CTNNA3: variants seen among roughly 807,000 people sequenced by gnomAD.
CTNNA3 encodes the protein catenin alpha 3.
In CTNNA3, 76 loss-of-function variants were observed where a neutral mutation model predicts 95.7. The ratio of observed to expected loss-of-function variants is 0.79; its 90% CI spans 0.66 to 0.96. The LOEUF is 0.96. Among genes scored for constraint, CTNNA3 ranks in the 40% least tolerant of loss-of-function variants. The pLI is 0.00. For missense variants in CTNNA3, 1,191 were observed against 1,089.8 expected, an observed-to-expected ratio of 1.09 and a Z score of -1.31; for synonymous variants, 431 against 374.4, an observed-to-expected ratio of 1.15 and a Z score of -1.74.
intron 7 of CTNNA3, among the ~76,000 whole-genome samples, chr10:66,970,964 G>T (rs1298387881): frequency 6.6e-6 from 1 of 152,056 alleles, no homozygotes; most frequent in Non-Finnish European, 1.5e-5. Flanking sequence ...ATTGTGCCAG[G>T]ATTTCAGTTG....
intron 9 of CTNNA3, among the ~76,000 whole-genome samples, chr10:66,640,263 TG>T (rs1845471191): frequency 6.6e-6 from 1 of 152,132 alleles, no homozygotes; most frequent in African/African-American, 2.4e-5. Context: ...TGGGGATAAC[TG>T]CTATTGACCA....
chr10:67,520,684 G>T (rs1839957348), intron 5 of CTNNA3, among the ~76,000 whole-genome samples: 2 of 152,004 alleles, frequency 1.3e-5, no homozygotes, highest in Admixed American at 1.3e-4. Context: ...ATTTGCCCTG[G>T]AACATTCTAT....
chr10:67,074,034 CTT>C (rs35411851), intron 7 of CTNNA3, among the ~76,000 whole-genome samples: 4 of 109,436 alleles, frequency 3.7e-5, no homozygotes, highest in Non-Finnish European at 3.5e-5. Flanking sequence ...CATTTTAACT[CTT>C]TTTTTTTTTT....
intron 7 of CTNNA3, among the ~76,000 whole-genome samples, chr10:66,983,741 G>C (rs982571704): frequency 1.3e-5 from 2 of 152,080 alleles, no homozygotes; most frequent in African/African-American, 4.8e-5. Context: ...CCATGATACA[G>C]TTTTTAGGAA....
At chr10:66,493,902 C>CCAAA in intron 11 of CTNNA3, among the ~76,000 whole-genome samples, 1 of 117,978 alleles carries the variant, frequency 8.5e-6, no homozygotes, top group South Asian at 2.9e-4. Context: ...ACTGCGCCGG[C>CCAAA]CTTTTTTTTT....
chr10:66,525,686 A>G (rs1446210415), intron 10 of CTNNA3, among the ~76,000 whole-genome samples: 2 of 152,164 alleles, frequency 1.3e-5, no homozygotes, highest in East Asian at 3.9e-4. Flanking sequence ...AAATTCGCTA[A>G]GTTAACCATT....
intron 7 of CTNNA3, among the ~76,000 whole-genome samples, chr10:66,904,698 G>A (rs887875404): frequency 1.1e-4 from 16 of 152,252 alleles, no homozygotes; most frequent in African/African-American, 3.9e-4. Context: ...CCATCAAAAA[G>A]TGGGCAAAGG....
intron 15 of CTNNA3, among the ~76,000 whole-genome samples, chr10:66,046,158 C>G (rs2079823700): frequency 6.6e-6 from 1 of 152,074 alleles, no homozygotes; most frequent in African/African-American, 2.4e-5. Flanking sequence ...GGGAACAACA[C>G]AGAGCAAGGA....
At chr10:67,175,607 G>T (rs1862202813) in intron 7 of CTNNA3, among the ~76,000 whole-genome samples, 2 of 152,104 alleles carry the variant, frequency 1.3e-5, no homozygotes, top group South Asian at 2.1e-4. Context: ...ATGCAAATTA[G>T]TTCCTGCATG....
In CTNNA3 at chr10:67,635,604, C is replaced by T. The variant is rs544447343; in HGVS notation, c.99+11811G>A. Among the ~76,000 whole-genome samples, 16 of 152,108 alleles carry T rather than the reference C, an allele frequency of 1.1e-4. No individual in the cohort carries two copies. In the South Asian group the frequency reaches 3.3e-3, roughly 32 times the overall value. On this transcript the variant is annotated intron_variant, in intron 2 of 17. Transcript: ENST00000433211. Reference sequence around the variant, plus strand: ...TCTCAATAGACGTAGAAAAGGACATCAATAAAATTCAACATCCCTTCATGT... The same window carrying T: ...TCTCAATAGACGTAGAAAAGGACATTAATAAAATTCAACATCCCTTCATGT...
intron 7 of CTNNA3, among the ~76,000 whole-genome samples, chr10:66,902,198 A>C (rs1845780162): frequency 1.3e-5 from 2 of 152,234 alleles, no homozygotes; most frequent in Admixed American, 6.5e-5. Context: ...ACCACAGTGC[A>C]ATCAAATTAG....
At position 66,628,477 on chromosome 10, in the gene CTNNA3, T is replaced by TAAC. The variant is rs1845017581; in HGVS notation, c.1282-6694_1282-6693insGTT. On this transcript the variant is annotated intron_variant, in intron 9 of 17. Coordinates refer to ENST00000433211, the MANE Select transcript of CTNNA3 (RefSeq NM_013266.4). ...CCGAGTGGATTTCAGTCTGACTGTG[T>TAAC]ATATTCATTGGAAACATCAAGATTA... Among the ~76,000 whole-genome samples the TAAC allele has an allele frequency of 2.6e-5, 4 of 152,166 alleles. No homozygotes were observed. In the South Asian group the frequency reaches 8.3e-4, roughly 31 times the overall value.
intron 1 of CTNNA3, among the ~76,000 whole-genome samples, chr10:67,742,691 C>G (rs1284469654): frequency 6.6e-6 from 1 of 150,894 alleles, no homozygotes; most frequent in Non-Finnish European, 1.5e-5. Flanking sequence ...AAAAACCCTT[C>G]AAAAAATTAA....
chr10:67,435,117 C>T (rs910503260), intron 5 of CTNNA3, among the ~76,000 whole-genome samples: 3 of 151,874 alleles, frequency 2.0e-5, no homozygotes, highest in Non-Finnish European at 4.4e-5. Flanking sequence ...TCTCTCATTG[C>T]CTTTTATTTG....
At position 67,125,719 on chromosome 10, in the gene CTNNA3, A is replaced by C. The variant is rs79845543; in HGVS notation, c.1047+54598T>G. 4.0e-3 allele frequency among the ~76,000 whole-genome samples: 604 copies of C among 152,358 alleles called. 1 individual carries two copies. The highest frequency in any genetic ancestry group is 0.014 in the African/African-American group (563 of 41,586). ...TGAGAAGAAAGCAATAATGCCAAAGATTGGTCTGCCAATTTGTATGGCCTG... is the reference window on the plus strand; with the variant it reads ...TGAGAAGAAAGCAATAATGCCAAAGCTTGGTCTGCCAATTTGTATGGCCTG... On this transcript the variant is annotated intron_variant, in intron 7 of 17. Coordinates refer to ENST00000433211, the MANE Select transcript of CTNNA3 (RefSeq NM_013266.4).
At chr10:67,031,076 C>T (rs1413648440) in intron 7 of CTNNA3, among the ~76,000 whole-genome samples, 3 of 152,214 alleles carry the variant, frequency 2.0e-5, no homozygotes, top group Non-Finnish European at 4.4e-5. Flanking sequence ...TTTACCCCGT[C>T]ATACTTGACT....
intron 17 of CTNNA3, among the ~76,000 whole-genome samples, chr10:65,961,495 C>G (rs2077842019): frequency 6.6e-6 from 1 of 152,050 alleles, no homozygotes; most frequent in African/African-American, 2.4e-5. Context: ...TATTCAAGGA[C>G]TTTATAGTCT....
chr10:67,402,372 T>A (rs992530397), intron 5 of CTNNA3, among the ~76,000 whole-genome samples: 1 of 152,166 alleles, frequency 6.6e-6, no homozygotes, highest in African/African-American at 2.4e-5. Flanking sequence ...TTCTTTCAAT[T>A]AACACAGTCA....
intron 1 of CTNNA3, among the ~76,000 whole-genome samples, chr10:67,746,503 C>G (rs1025377831): frequency 5.3e-5 from 8 of 151,966 alleles, no homozygotes; most frequent in African/African-American, 1.9e-4. Context: ...TATCCATGTT[C>G]TATCATCAGG....
Sources: gnomAD v4.1 joint callset for allele counts (sites outside exome capture counted in the v4.1 genomes callset) on GRCh38, gnomAD v4.1.1 for gene constraint, MANE v1.5 for transcripts, NCBI Gene and HGNC (gene_info 2026-07-23, HGNC 2026-07-21) for gene names.